Variants in DLG2 observed in about 807,000 individuals in gnomAD.
DLG2 encodes the protein disks large homolog 2.
A neutral mutation model predicts 132.5 loss-of-function variants in DLG2; 45 were observed. The observed-to-expected ratio is 0.34, with a 90% CI of 0.27 to 0.44. DLG2 has a LOEUF of 0.44. Ranked by LOEUF, DLG2 falls within the 20% of genes least tolerant of loss-of-function variation. DLG2 has a pLI of 1.00. For missense variants in DLG2, 1,045 were observed against 1,196.9 expected, an observed-to-expected ratio of 0.87 and a Z score of 1.87; for synonymous variants, 424 against 419.6, an observed-to-expected ratio of 1.01 and a Z score of -0.13.
intron 21 of DLG2, among the ~76,000 whole-genome samples, chr11:83,507,092 A>G (rs968503782): frequency 2.6e-5 from 4 of 152,124 alleles, no homozygotes; most frequent in African/African-American, 9.7e-5. Flanking sequence ...TTGGTTCTCC[A>G]CATATGGTCA....
chr11:83,517,235 T>C (rs541735476), intron 21 of DLG2, among the ~76,000 whole-genome samples: 2 of 152,342 alleles, frequency 1.3e-5, no homozygotes, highest in African/African-American at 4.8e-5. Flanking sequence ...TTTTATTCTT[T>C]TTTCTCTAAA....
At chr11:85,165,613 T>G (rs1037621553) in intron 4 of DLG2, among the ~76,000 whole-genome samples, 4 of 152,188 alleles carry the variant, frequency 2.6e-5, no homozygotes, top group African/African-American at 9.7e-5. Flanking sequence ...GTCAATAGGC[T>G]CTGCTCAGCT....
intron 7 of DLG2, among the ~76,000 whole-genome samples, chr11:84,362,224 C>G (rs185048507): frequency 6.6e-6 from 1 of 151,908 alleles, no homozygotes; most frequent in African/African-American, 2.4e-5. Context: ...GTATTTCTCA[C>G]GCCCAGTTCA....
intron 15 of DLG2, among the ~76,000 whole-genome samples, chr11:83,909,585 G>A (rs182348227): frequency 3.3e-5 from 5 of 152,118 alleles, no homozygotes; most frequent in East Asian, 1.9e-4. Flanking sequence ...GAGAAACTAC[G>A]GATTGTTATA....
chr11:84,722,925 T>C (rs958877465), intron 6 of DLG2, among the ~76,000 whole-genome samples: 2 of 152,176 alleles, frequency 1.3e-5, no homozygotes, highest in Non-Finnish European at 2.9e-5. Flanking sequence ...CGTTCTTAAA[T>C]GTACTAGGTC....
chr11:83,608,115 T>A (rs1355147259), intron 19 of DLG2, among the ~76,000 whole-genome samples: 1 of 152,002 alleles, frequency 6.6e-6, no homozygotes, highest in Non-Finnish European at 1.5e-5. Flanking sequence ...ATACAGATGC[T>A]CCTTGATTTT....
intron 7 of DLG2, among the ~76,000 whole-genome samples, chr11:84,486,931 G>C (rs2154494832): frequency 6.6e-6 from 1 of 152,206 alleles, no homozygotes; most frequent in South Asian, 2.1e-4. Flanking sequence ...AGACATTCTA[G>C]AAGGAGGATA....
At chr11:83,824,522 G>A (rs1307489920) in intron 17 of DLG2, among the ~76,000 whole-genome samples, 1 of 151,960 alleles carries the variant, frequency 6.6e-6, no homozygotes, top group Admixed American at 6.6e-5. Context: ...ACTTGCAAGA[G>A]GTTTTCTGGA....
intron 7 of DLG2, among the ~76,000 whole-genome samples, chr11:84,264,915 C>T (rs2097595762): frequency 6.6e-6 from 1 of 152,162 alleles, no homozygotes; most frequent in Admixed American, 6.5e-5. Flanking sequence ...AGTCAAGTCA[C>T]TTAACTCTCT....
intron 6 of DLG2, among the ~76,000 whole-genome samples, chr11:84,918,788 CT>C (rs1841323774): frequency 6.6e-6 from 1 of 152,060 alleles, no homozygotes; most frequent in Admixed American, 6.6e-5. Flanking sequence ...TTTTTTCTTC[CT>C]TTTTTTCTTT....
Position 85,452,491 on chromosome 11 carries a change from G to T in DLG2, c.40+146166C>A, listed in dbSNP as rs552010925. 6 of 185,734 alleles carry T rather than the reference G, an allele frequency of 3.2e-5. No individual in the cohort carries two copies. The East Asian group carries it at 5.0e-4, about 16-fold the overall frequency. The allele number at this position is 185,734 out of a possible 1,614,324, so 11.5% of individuals were successfully genotyped here. ...TCCACCATATCCTTCCTGACAGGGT[G>T]GAGTAGTGCCACCATAGCCTCCACT... is the stretch of plus-strand genomic sequence containing the variant. On this transcript the variant is annotated intron_variant, in intron 3 of 27. Coordinates refer to ENST00000376104, the MANE Select transcript of DLG2 (RefSeq NM_001142699.3).
intron 4 of DLG2, among the ~76,000 whole-genome samples, chr11:85,253,084 G>A (rs987440104): frequency 4.6e-5 from 7 of 152,148 alleles, no homozygotes; most frequent in African/African-American, 1.7e-4. Flanking sequence ...CTCTGAGGAT[G>A]TATTTAGTTT....
intron 3 of DLG2, among the ~76,000 whole-genome samples, chr11:85,412,725 TCACACACACACACACACACACACA>T (rs542505541): frequency 9.8e-5 from 9 of 92,252 alleles, no homozygotes; most frequent in African/African-American, 3.6e-4. Flanking sequence ...GAGCAGTATT[TCACACACACACACACACACACACA>T]CACACACACA....
chr11:85,143,769 A>T (rs2076652892), intron 5 of DLG2, among the ~76,000 whole-genome samples: 1 of 151,730 alleles, frequency 6.6e-6, no homozygotes, highest in African/African-American at 2.4e-5. Flanking sequence ...TTTTAGTTCT[A>T]TTCCATAGTG....
At chr11:84,719,003 A>C (rs1223310178) in intron 6 of DLG2, among the ~76,000 whole-genome samples, 1 of 152,228 alleles carries the variant, frequency 6.6e-6, no homozygotes, top group East Asian at 1.9e-4. Context: ...CAATGACTTC[A>C]TGAAAGACAT....
intron 6 of DLG2, among the ~76,000 whole-genome samples, chr11:84,928,982 GTATA>G (rs58945482): frequency 0.1 from 4,880 of 48,764 alleles, 255 homozygotes; most frequent in East Asian, 0.33. Flanking sequence ...GTGTGTGTGT[GTATA>G]TATATATATA....
intron 14 of DLG2, among the ~76,000 whole-genome samples, chr11:83,943,582 T>A (rs997623397): frequency 1.3e-5 from 2 of 152,244 alleles, no homozygotes; most frequent in Non-Finnish European, 2.9e-5. Context: ...ATCTCAAATG[T>A]CTTCAGTTAT....
At position 85,238,249 on chromosome 11, in the gene DLG2, ATTTATTTATTTT is replaced by A. The variant is rs2075698527; in HGVS notation, c.186+46959_186+46970del. ...TATTTATTTATTTATTTATTTATTT[ATTTATTTATTTT>A]GAGACAGAGTCTTGCTTTGTTGCCC... On this transcript the variant is annotated intron_variant, in intron 4 of 27. Transcript: ENST00000376104. Among the ~76,000 whole-genome samples, 4 of 131,866 alleles carry A rather than the reference ATTTATTTATTTT, an allele frequency of 3.0e-5. No homozygotes were observed. The South Asian group carries it at 9.7e-4, about 32-fold the overall frequency. 86.5% of individuals were successfully genotyped at this position (131,866 alleles called of 152,430 possible).
At chr11:84,393,466 A>G (rs561897590) in intron 7 of DLG2, among the ~76,000 whole-genome samples, 6 of 152,218 alleles carry the variant, frequency 3.9e-5, no homozygotes, top group Admixed American at 3.3e-4. Context: ...AGATTTTGCC[A>G]TCCTTCATTC....
Sources: gnomAD v4.1 joint callset for allele counts (sites outside exome capture counted in the v4.1 genomes callset) on GRCh38, gnomAD v4.1.1 for gene constraint, MANE v1.5 for transcripts, NCBI Gene and HGNC (gene_info 2026-07-23, HGNC 2026-07-21) for gene names.